Variants in CLHC1 observed in about 807,000 individuals in gnomAD.
The protein encoded by CLHC1 is clathrin heavy chain linker domain-containing protein 1.
CLHC1 carries 72 observed loss-of-function variants against 69.5 expected under a neutral mutation model. The observed-to-expected ratio is 1.04, with a 90% CI of 0.86 to 1.26. The LOEUF (loss-of-function observed/expected upper bound fraction) is 1.26. Among genes scored for constraint, CLHC1 ranks in the 50% most tolerant of loss-of-function variants. CLHC1 has a pLI of 0.00. For missense variants in CLHC1, 790 were observed against 679.3 expected, an observed-to-expected ratio of 1.16 and a Z score of -1.81; for synonymous variants, 223 against 224.3, an observed-to-expected ratio of 0.99 and a Z score of 0.05.
chr2:55,194,339 G>C lies in CLHC1; in HGVS notation c.1006+11931C>G, dbSNP rs563745730. 3.3e-5 allele frequency among the ~76,000 whole-genome samples: 5 copies of C among 152,010 alleles called. No individual in the cohort carries two copies. In the South Asian group the frequency reaches 1.0e-3, roughly 32 times the overall value. On this transcript the variant is annotated intron_variant, in intron 9 of 12. Transcript: ENST00000401408. ...CAATAAATGTAAAAAAAAAGTATTT[G>C]ACAAATCTAATATCCATTTCTGATC...
intron 9 of CLHC1, among the ~76,000 whole-genome samples, chr2:55,190,076 A>C (rs1670773720): frequency 6.6e-6 from 1 of 151,604 alleles, no homozygotes; most frequent in Non-Finnish European, 1.5e-5. Context: ...ACGGAGTCTC[A>C]CTCTGTGGCC....
At chr2:55,206,513 A>G (rs1459688908) in intron 8 of CLHC1, 137 bp from the exon 9 acceptor site, 5 of 643,548 alleles carry the variant, frequency 7.8e-6, no homozygotes, top group Non-Finnish European at 1.1e-5. Context: ...ATAAACTATA[A>G]CTAGAATCAT....
At chr2:55,197,099 A>T (rs1287138269) in intron 9 of CLHC1, among the ~76,000 whole-genome samples, 1 of 152,072 alleles carries the variant, frequency 6.6e-6, no homozygotes, top group Non-Finnish European at 1.5e-5. Context: ...ATCCGTAGGG[A>T]GAGACTCCTC....
intron 1 of CLHC1, among the ~76,000 whole-genome samples, chr2:55,230,900 C>T (rs530414639): frequency 2.4e-4 from 36 of 152,268 alleles, no homozygotes; most frequent in African/African-American, 8.2e-4. Flanking sequence ...ACAATATGTA[C>T]AAGCAACTCT....
chr2:55,224,286 G>A (rs941226244), intron 2 of CLHC1: 16 of 423,856 alleles, frequency 3.8e-5, no homozygotes, highest in Admixed American at 3.2e-4. Flanking sequence ...GCTGGATGGC[G>A]TCCCATGCAG....
chr2:55,232,268 G>A lies in CLHC1; in HGVS notation c.-301C>T, dbSNP rs1412420289. The A allele has an allele frequency of 1.5e-5, 3 of 195,634 alleles. No homozygotes were observed. Among genetic ancestry groups the A allele is most frequent in the South Asian group, 1.6e-4 (2 of 12,228 alleles). The allele number at this position is 195,634 out of a possible 1,614,324, so 12.1% of individuals were successfully genotyped here. A position where few individuals can be genotyped will look rare whatever the true frequency, so the allele number is the denominator to read the frequency against. ...CTTTTCTCCAAACACCGACTTCAGT[G>A]CTTAGAGATAGTAACTAGGGAATCT... On this transcript the variant is annotated 5_prime_UTR_variant, in exon 1 of 13. Transcript: ENST00000401408.
At chr2:55,197,426 C>T (rs752861557) in intron 9 of CLHC1, among the ~76,000 whole-genome samples, 2 of 152,346 alleles carry the variant, frequency 1.3e-5, no homozygotes, top group African/African-American at 2.4e-5. Context: ...GTCTGACCTA[C>T]TACATTCCCA....
chr2:55,185,620 G>C (rs10200424), intron 9 of CLHC1, among the ~76,000 whole-genome samples: 47,693 of 151,998 alleles, frequency 0.31, 7,788 homozygotes, highest in African/African-American at 0.38. Flanking sequence ...GCACATATTA[G>C]ATAATCAATT....
intron 9 of CLHC1, among the ~76,000 whole-genome samples, chr2:55,202,185 T>C (rs1170790679): frequency 1.8e-5 from 2 of 108,498 alleles, no homozygotes; most frequent in Non-Finnish European, 4.2e-5. Flanking sequence ...GAAAAAGAAA[T>C]AAAGGGCATC....
At chr2:55,186,741 C>T (rs374327043) in intron 9 of CLHC1, among the ~76,000 whole-genome samples, 2 of 152,042 alleles carry the variant, frequency 1.3e-5, no homozygotes, top group Non-Finnish European at 2.9e-5. Flanking sequence ...CACCACTGCA[C>T]TCCCACCTGG....
intron 4 of CLHC1, among the ~76,000 whole-genome samples, chr2:55,216,802 T>C (rs1673557681): frequency 6.6e-6 from 1 of 152,078 alleles, no homozygotes; most frequent in Non-Finnish European, 1.5e-5. Flanking sequence ...GGATTACAGG[T>C]GTGAGCCACC....
chr2:55,173,271 T>A lies in CLHC1; in HGVS notation c.*2519A>T, dbSNP rs376200693. On this transcript the variant is annotated 3_prime_UTR_variant, in exon 13 of 13. Coordinates refer to ENST00000401408, the MANE Select transcript of CLHC1 (RefSeq NM_152385.4). ...TTTAGCAACTGGTGAAATTTGAATATGGACTGGCTATTAGATAATGCTAAG... is the reference window on the plus strand; with the variant it reads ...TTTAGCAACTGGTGAAATTTGAATAAGGACTGGCTATTAGATAATGCTAAG... Among the ~76,000 whole-genome samples the A allele has an allele frequency of 2.9e-4, 44 of 152,368 alleles. No homozygotes were observed. Among genetic ancestry groups the A allele is most frequent in the African/African-American group, 1.0e-3 (42 of 41,592 alleles).
intron 2 of CLHC1, among the ~76,000 whole-genome samples, chr2:55,223,542 G>C (rs1053553648): frequency 6.6e-6 from 1 of 152,134 alleles, no homozygotes; most frequent in African/African-American, 2.4e-5. Flanking sequence ...CCAAGGGTCG[G>C]CGCGACCGCT....
intron 9 of CLHC1, among the ~76,000 whole-genome samples, chr2:55,184,237 C>T (rs918094796): frequency 1.3e-5 from 2 of 151,750 alleles, no homozygotes; most frequent in African/African-American, 4.8e-5. Flanking sequence ...TCCTGGGTAG[C>T]TGGGACTATA....
chr2:55,225,594 G>A (rs1010873251), intron 2 of CLHC1: 2 of 152,308 alleles, frequency 1.3e-5, no homozygotes, highest in African/African-American at 4.8e-5. Context: ...CCCCAAGTCA[G>A]GAATGCTGTG....
intron 4 of CLHC1, among the ~76,000 whole-genome samples, chr2:55,216,842 A>C (rs1673564968): frequency 6.6e-6 from 1 of 151,734 alleles, no homozygotes; most frequent in South Asian, 2.1e-4. Flanking sequence ...ATGATACAAA[A>C]TGTGCTTTCA....
chr2:55,193,879 A>AGTTGAATTCATCAT (rs1432965456), intron 9 of CLHC1, among the ~76,000 whole-genome samples: 13 of 152,240 alleles, frequency 8.5e-5, no homozygotes, highest in Non-Finnish European at 1.5e-5. Flanking sequence ...CCCAATGACC[A>AGTTGAATTCATCAT]TCAACTGATG....
At chr2:55,204,034 C>T (rs1672206746) in intron 9 of CLHC1, among the ~76,000 whole-genome samples, 1 of 152,122 alleles carries the variant, frequency 6.6e-6, no homozygotes, top group South Asian at 2.1e-4. Flanking sequence ...CCTGTAATCC[C>T]AACACTTTGG....
intron 9 of CLHC1, among the ~76,000 whole-genome samples, chr2:55,184,574 T>TAA (rs1427549579): frequency 7.9e-5 from 12 of 152,120 alleles, no homozygotes; most frequent in Non-Finnish European, 1.2e-4. Flanking sequence ...ATAAGTTAAA[T>TAA]ATATATACAT....
Sources: allele counts gnomAD v4.1 joint callset (sites outside exome capture counted in the v4.1 genomes callset), GRCh38; gene constraint gnomAD v4.1.1; transcripts MANE v1.5; gene names NCBI Gene and HGNC (gene_info 2026-07-23, HGNC 2026-07-21).